Variants in QTMAN observed in about 807,000 individuals in gnomAD.
The protein encoded by QTMAN is tRNA-queuosine alpha-mannosyltransferase.
At chr2:144,292,098 AAAC>A in the QTMAN span, among the ~76,000 whole-genome samples, 1 of 152,220 alleles carries the variant, frequency 6.6e-6, no homozygotes, top group Non-Finnish European at 1.5e-5. Flanking sequence ...TATCTACTAC[AAAC>A]AACAAGAGTA....
At chr2:144,101,090 G>C in the QTMAN span, among the ~76,000 whole-genome samples, 28 of 151,782 alleles carry the variant, frequency 1.8e-4, no homozygotes, top group Non-Finnish European at 2.8e-4. Flanking sequence ...GGATGGTCTC[G>C]ATCTCCTGAC....
chr2:144,326,101 G>T, the QTMAN span, among the ~76,000 whole-genome samples: 7,682 of 151,902 alleles, frequency 0.051, 244 homozygotes, highest in South Asian at 0.11. Context: ...ACAAAAATAG[G>T]GCCATTAAAC....
chr2:144,181,326 C>G, the QTMAN span, among the ~76,000 whole-genome samples: 1 of 152,120 alleles, frequency 6.6e-6, no homozygotes, highest in Admixed American at 6.5e-5. Context: ...CTTTCCCCCA[C>G]GGGATTAAGC....
the QTMAN span, among the ~76,000 whole-genome samples, chr2:144,162,915 A>G: frequency 6.6e-6 from 1 of 152,216 alleles, no homozygotes; most frequent in Non-Finnish European, 1.5e-5. Context: ...CCAGCTAGGG[A>G]AAGCCAAAGG....
At chr2:144,025,523 G>A in the QTMAN span, among the ~76,000 whole-genome samples, 1 of 152,196 alleles carries the variant, frequency 6.6e-6, no homozygotes, top group Non-Finnish European at 1.5e-5. Context: ...TGCGGGGAGG[G>A]AGCTAGGCTT....
the QTMAN span, among the ~76,000 whole-genome samples, chr2:144,236,368 C>T: frequency 6.6e-6 from 1 of 152,134 alleles, no homozygotes; most frequent in Non-Finnish European, 1.5e-5. Context: ...TCCCTGTAAG[C>T]CATGCACAGT....
At chr2:144,088,375 T>C in the QTMAN span, among the ~76,000 whole-genome samples, 1 of 152,014 alleles carries the variant, frequency 6.6e-6, no homozygotes, top group Non-Finnish European at 1.5e-5. Context: ...AGAATTAATA[T>C]TGATAAAATG....
the QTMAN span, among the ~76,000 whole-genome samples, chr2:144,169,619 G>A: frequency 2.6e-5 from 4 of 152,080 alleles, no homozygotes; most frequent in East Asian, 5.8e-4. Flanking sequence ...TAAAATATCT[G>A]TGTTCTTATA....
At chr2:144,137,884 G>A in the QTMAN span, among the ~76,000 whole-genome samples, 1 of 152,008 alleles carries the variant, frequency 6.6e-6, no homozygotes, top group Non-Finnish European at 1.5e-5. Flanking sequence ...TCAAATTCAA[G>A]GACGCTTTTT....
At chr2:144,010,371 G>A in the QTMAN span, among the ~76,000 whole-genome samples, 1 of 152,116 alleles carries the variant, frequency 6.6e-6, no homozygotes, top group African/African-American at 2.4e-5. Flanking sequence ...GACTTGATAG[G>A]TCATAGTGAA....
the QTMAN span, among the ~76,000 whole-genome samples, chr2:144,259,870 A>C: frequency 6.6e-6 from 1 of 152,200 alleles, no homozygotes; most frequent in East Asian, 1.9e-4. Context: ...TTTCCATTAT[A>C]AAAGAGTAGT....
the QTMAN span, among the ~76,000 whole-genome samples, chr2:144,234,994 G>T: frequency 2.6e-5 from 4 of 152,174 alleles, no homozygotes; most frequent in Admixed American, 2.0e-4. Flanking sequence ...ACTTTGGCTG[G>T]TAAGGGTAAG....
the QTMAN span, among the ~76,000 whole-genome samples, chr2:144,116,096 T>A: frequency 6.6e-6 from 1 of 152,102 alleles, no homozygotes; most frequent in African/African-American, 2.4e-5. Context: ...AATATATCCA[T>A]GCAAAACACA....
At chr2:144,262,493 C>G in the QTMAN span, among the ~76,000 whole-genome samples, 16 of 149,670 alleles carry the variant, frequency 1.1e-4, no homozygotes, top group South Asian at 3.4e-3. Flanking sequence ...TAGCTTGAGC[C>G]CAGGAGTTTG....
chr2:143,966,284 G>C, the QTMAN span, among the ~76,000 whole-genome samples: 1 of 152,186 alleles, frequency 6.6e-6, no homozygotes, highest in Non-Finnish European at 1.5e-5. Context: ...CTATTGTGAA[G>C]ACTACATAAG....
At chr2:143,940,532 T>C in the QTMAN span, 4 of 152,254 alleles carry the variant, frequency 2.6e-5, no homozygotes, top group South Asian at 2.1e-4. Flanking sequence ...ATCTCAGGCA[T>C]AAATTTCCCT....
At chr2:143,959,106 ATC>A in the QTMAN span, among the ~76,000 whole-genome samples, 1 of 152,092 alleles carries the variant, frequency 6.6e-6, no homozygotes, top group South Asian at 2.1e-4. Flanking sequence ...TGTCCTTAGT[ATC>A]TAGCTAGACA....
At chr2:144,300,676 G>A in the QTMAN span, among the ~76,000 whole-genome samples, 1 of 152,106 alleles carries the variant, frequency 6.6e-6, no homozygotes, top group Non-Finnish European at 1.5e-5. Flanking sequence ...TATACGAACT[G>A]TTCTGTATTT....
chr2:143,975,274 G>A, the QTMAN span, among the ~76,000 whole-genome samples: 1 of 152,084 alleles, frequency 6.6e-6, no homozygotes, highest in Non-Finnish European at 1.5e-5. Flanking sequence ...AATATTTATT[G>A]AGGATTTCTA....
Sources: gnomAD v4.1 joint callset for allele counts (sites outside exome capture counted in the v4.1 genomes callset) on GRCh38, gnomAD v4.1.1 for gene constraint, MANE v1.5 for transcripts, NCBI Gene and HGNC (gene_info 2026-07-23, HGNC 2026-07-21) for gene names.